ZNF431: variants seen among roughly 807,000 people sequenced by gnomAD.
ZNF431 encodes zinc finger protein 431.
A neutral mutation model predicts 57.0 loss-of-function variants in ZNF431; 34 were observed. That is an observed-to-expected ratio of 0.60 (90% CI 0.45 to 0.79). The LOEUF is 0.79. Among genes scored for constraint, ZNF431 ranks in the 30% least tolerant of loss-of-function variants. The probability of loss-of-function intolerance (pLI) is 0.00; values close to 1 mark genes in which losing one functional copy is unlikely to be tolerated. For missense variants in ZNF431, 607 were observed against 667.1 expected, an observed-to-expected ratio of 0.91 and a Z score of 0.99; for synonymous variants, 207 against 220.3, an observed-to-expected ratio of 0.94 and a Z score of 0.54.
At chr19:21,149,656 G>A in intron 2 of ZNF431, 2 of 515,438 alleles carry the variant, frequency 3.9e-6, no homozygotes, top group South Asian at 3.5e-5. Flanking sequence ...ATTTAACCCA[G>A]TTTAGTGGCA....
rs1971375476 is a variant in ZNF431 at position 21,186,383 on chromosome 19, G to C, written c.*2349G>C. On this transcript the variant is annotated 3_prime_UTR_variant, in exon 5 of 5. Coordinates refer to ENST00000311048, the MANE Select transcript of ZNF431 (RefSeq NM_133473.4). Reference sequence around the variant, plus strand: ...CAGACTTTTAGTTTTGATTCATATAGAGTTAAATACATGTTAGTCTAAAGA... The same window carrying C: ...CAGACTTTTAGTTTTGATTCATATACAGTTAAATACATGTTAGTCTAAAGA... 6.6e-6 allele frequency: 1 copy of C among 152,170 alleles called. No individual in the cohort carries two copies. The allele number at this position is 152,170 out of a possible 1,614,324, so 9.4% of individuals were successfully genotyped here.
chr19:21,169,740 G>C (rs1407405082), intron 4 of ZNF431: 1 of 398,340 alleles, frequency 2.5e-6, no homozygotes, highest in Non-Finnish European at 4.4e-6. Flanking sequence ...GATGTGAATG[G>C]GTTTGCCTTT....
chr19:21,193,249 C>G lies in ZNF431; in HGVS notation c.*9215C>G, dbSNP rs1971540601. 6.6e-6 allele frequency: 1 copy of G among 152,224 alleles called. No individual in the cohort carries two copies. The highest frequency in any genetic ancestry group is 1.5e-5 in the Non-Finnish European group (1 of 68,054). The allele number at this position is 152,224 out of a possible 1,614,324, so 9.4% of individuals were successfully genotyped here. On this transcript the variant is annotated 3_prime_UTR_variant, in exon 5 of 5. Coordinates refer to ENST00000311048, the MANE Select transcript of ZNF431 (RefSeq NM_133473.4). ...AACTCATTATATAAAATCTGTATCG[C>G]TGCACGAGGTGGCTCACGCCTGTAA... is the stretch of plus-strand genomic sequence containing the variant.
chr19:21,157,020 C>T (rs2144961480), intron 2 of ZNF431, among the ~76,000 whole-genome samples: 1 of 152,310 alleles, frequency 6.6e-6, no homozygotes, highest in East Asian at 1.9e-4. Flanking sequence ...TAAGGCAATC[C>T]ACCTGCCTCG....
intron 4 of ZNF431, chr19:21,175,460 G>A (rs1475641406): frequency 1.4e-6 from 1 of 695,406 alleles, no homozygotes; most frequent in African/African-American, 1.8e-5. Flanking sequence ...CAGGATACAT[G>A]TGCAGGATGT....
rs780053911 is a variant in ZNF431, at chr19:21,191,819, G to C, written c.*7785G>C. 5.9e-5 allele frequency: 9 copies of C among 151,974 alleles called. No individual in the cohort carries two copies. Among genetic ancestry groups the C allele is most frequent in the Non-Finnish European group, 1.0e-4 (7 of 67,994 alleles). The allele number at this position is 151,974 out of a possible 1,614,324, so 9.4% of individuals were successfully genotyped here. The stretch of plus-strand genomic sequence containing the variant: ...TATTTCAAAGTTAGTCACTTCTTTT[G>C]TCTTGATTGCTTTGGCTATTCAGGG... On this transcript the variant is annotated 3_prime_UTR_variant, in exon 5 of 5. Transcript: ENST00000311048.
chr19:21,151,917 C>G (rs572425054), intron 2 of ZNF431, among the ~76,000 whole-genome samples: 4 of 152,278 alleles, frequency 2.6e-5, no homozygotes, highest in East Asian at 3.8e-4. Context: ...CTAGAAGTCT[C>G]GTCAGAAATT....
chr19:21,156,206 C>G (rs1478023574), intron 2 of ZNF431, among the ~76,000 whole-genome samples: 1 of 152,262 alleles, frequency 6.6e-6, no homozygotes, highest in Non-Finnish European at 1.5e-5. Context: ...CCACAGCAAC[C>G]TGTTTTCCCC....
At chr19:21,181,375 A>T (rs1466445417) in intron 4 of ZNF431, among the ~76,000 whole-genome samples, 2 of 152,006 alleles carry the variant, frequency 1.3e-5, no homozygotes, top group Admixed American at 1.3e-4. Flanking sequence ...TTCTCACTTT[A>T]TAGCTATTTT....
At chr19:21,142,815 G>T (rs1421597720) in intron 1 of ZNF431, among the ~76,000 whole-genome samples, 1 of 152,106 alleles carries the variant, frequency 6.6e-6, no homozygotes, top group Non-Finnish European at 1.5e-5. Flanking sequence ...GTAATCAGAG[G>T]TTAATTGGCA....
At position 21,165,674 on chromosome 19, in the gene ZNF431, CAATT is replaced by C. The variant is rs202051502; in HGVS notation, c.97-657_97-654del. Among the ~76,000 whole-genome samples the C allele has an allele frequency of 2.6e-3, 400 of 151,940 alleles. 1 individual carries two copies. The highest frequency in any genetic ancestry group is 8.7e-3 in the African/African-American group (361 of 41,480). ...TACAGCTAATGTGCATAAACCATCA[CAATT>C]AATCTGGTGCCTGCCCTTTTTTCTT... On this transcript the variant is annotated intron_variant, in intron 2 of 4. Transcript: ENST00000311048.
chr19:21,172,835 C>T (rs1219704956), intron 4 of ZNF431, among the ~76,000 whole-genome samples: 2 of 152,234 alleles, frequency 1.3e-5, no homozygotes, highest in East Asian at 3.9e-4. Flanking sequence ...TAAATATATT[C>T]ACATTGTTCT....
chr19:21,169,005 A>G (rs1199959515), intron 4 of ZNF431, among the ~76,000 whole-genome samples: 1 of 151,810 alleles, frequency 6.6e-6, no homozygotes, highest in Non-Finnish European at 1.5e-5. Context: ...TCTGCATCCT[A>G]GGTTCAAGCG....
chr19:21,148,637 A>C (rs1048555187), intron 2 of ZNF431, among the ~76,000 whole-genome samples: 3 of 152,158 alleles, frequency 2.0e-5, no homozygotes, highest in African/African-American at 7.2e-5. Flanking sequence ...CTTCTTATAT[A>C]ACCTTTTATC....
In ZNF431 at chr19:21,167,669, A is replaced by G. The variant is rs1394998126; in HGVS notation, c.319+3A>G. On this transcript the variant is annotated splice_donor_region_variant and intron_variant, in intron 4 of 4. Transcript: ENST00000311048. The stretch of plus-strand genomic sequence containing the variant: ...TGAGATGGTGGATGAACCCCCAGGT[A>G]GGTGAGAGTGAAAAAAAACAGATGA... 6.5e-7 allele frequency: 1 copy of G among 1,544,910 alleles called. No homozygotes were observed. The highest frequency in any genetic ancestry group is 8.7e-7 in the Non-Finnish European group (1 of 1,144,298).
intron 2 of ZNF431, among the ~76,000 whole-genome samples, chr19:21,144,193 T>C (rs1357010146): frequency 2.0e-5 from 3 of 152,046 alleles, no homozygotes; most frequent in Non-Finnish European, 2.9e-5. Context: ...TAGTAGGGCT[T>C]GAAAGGTAGG....
At position 21,185,472 on chromosome 19, in the gene ZNF431, G is replaced by A. The variant is rs1039124933; in HGVS notation, c.*1438G>A. On this transcript the variant is annotated 3_prime_UTR_variant, in exon 5 of 5. Coordinates refer to ENST00000311048, the MANE Select transcript of ZNF431 (RefSeq NM_133473.4). ...GATTCTTTTGTTTGTTTGTTCGTTT[G>A]TTTTTTGAGACTGAGTTTCACTCTT... is the stretch of plus-strand genomic sequence containing the variant. The A allele has an allele frequency of 6.6e-6, 1 of 152,062 alleles. No homozygotes were observed. Among genetic ancestry groups the A allele is most frequent in the Non-Finnish European group, 1.5e-5 (1 of 67,998 alleles). 9.4% of individuals were successfully genotyped at this position (152,062 alleles called of 1,614,324 possible).
chr19:21,183,386 A>T lies in ZNF431; in HGVS notation c.1083A>T (p.Lys361Asn), dbSNP rs774488447. Residue 361 changes from lysine to asparagine, a missense_variant, in exon 5 of 5, where the codon AAA (lysine) becomes AAT (asparagine). Physicochemically the swap from Lys to Asn is moderately conservative, Grantham distance 94. Coordinates refer to ENST00000311048, the MANE Select transcript of ZNF431 (RefSeq NM_133473.4). ...KAFNRFSYLT[K>N]HKIIHTGEKS... ...TTAATCGATTCTCATACCTTACTAA[A>T]CATAAGATAATTCATACTGGAGAAA... 6.2e-7 allele frequency: 1 copy of T among 1,613,718 alleles called. No homozygotes were observed. The highest frequency in any genetic ancestry group is 1.1e-5 in the South Asian group (1 of 91,046).
At position 21,189,534 on chromosome 19, in the gene ZNF431, C is replaced by CACTG. The variant is rs1971462316; in HGVS notation, c.*5501_*5504dup. On this transcript the variant is annotated 3_prime_UTR_variant, in exon 5 of 5. Transcript: ENST00000311048. ...ACATTTTTGTTTTGAGACCACATGA[C>CACTG]ACTGTCATCATTTTTCAAAAATCCA... The CACTG allele has an allele frequency of 5.7e-6, 1 of 175,228 alleles. No individual in the cohort carries two copies. The highest frequency in any genetic ancestry group is 2.4e-5 in the African/African-American group (1 of 42,296). The allele number at this position is 175,228 out of a possible 1,614,324, so 10.9% of individuals were successfully genotyped here. A position where few individuals can be genotyped will look rare whatever the true frequency, so the allele number is the denominator to read the frequency against.
Sources: gnomAD v4.1 joint callset for allele counts (sites outside exome capture counted in the v4.1 genomes callset) on GRCh38, gnomAD v4.1.1 for gene constraint, MANE v1.5 for transcripts, NCBI Gene and HGNC (gene_info 2026-07-23, HGNC 2026-07-21) for gene names.